Variants in EPHA6 observed in about 807,000 individuals in gnomAD.
The protein encoded by EPHA6 is ephrin type-A receptor 6.
Under a neutral mutation model 112.0 loss-of-function variants are expected in EPHA6, and 50 were observed. The observed-to-expected ratio is 0.45, with a 90% CI of 0.36 to 0.56. EPHA6 has a LOEUF of 0.56. Ranked by LOEUF, EPHA6 falls within the 20% of genes least tolerant of loss-of-function variation. The probability of loss-of-function intolerance (pLI) is 0.00; values close to 1 mark genes in which losing one functional copy is unlikely to be tolerated. For synonymous variants in EPHA6, 529 were observed against 490.7 expected, an observed-to-expected ratio of 1.08 and a Z score of -1.03; for missense variants, 1,280 against 1,417.4, an observed-to-expected ratio of 0.90 and a Z score of 1.56.
chr3:97,354,071 G>A (rs898144722), intron 5 of EPHA6, among the ~76,000 whole-genome samples: 9 of 152,184 alleles, frequency 5.9e-5, no homozygotes, highest in African/African-American at 2.2e-4. Context: ...GCATTACTAG[G>A]CTAGGGGTGA....
At chr3:96,855,285 C>T (rs1396719090) in intron 1 of EPHA6, among the ~76,000 whole-genome samples, 1 of 152,108 alleles carries the variant, frequency 6.6e-6, no homozygotes, top group South Asian at 2.1e-4. Flanking sequence ...CATCTGCAAC[C>T]TTAATTTTCC....
At chr3:97,330,439 C>T (rs561503905) in intron 5 of EPHA6, among the ~76,000 whole-genome samples, 94 of 152,216 alleles carry the variant, frequency 6.2e-4, no homozygotes, top group African/African-American at 2.1e-3. Context: ...ATTGATTCTT[C>T]CCACCCATGA....
chr3:96,987,499 G>A lies in EPHA6; in HGVS notation c.620G>A (p.Ser207Asn). The A allele has an allele frequency of 1.9e-6, 3 of 1,613,880 alleles. No homozygotes were observed. Among genetic ancestry groups the A allele is most frequent in the Non-Finnish European group, 2.5e-6 (3 of 1,179,846 alleles). ...EMKFTLRDCN[S>N]IPWVLGTCKE... ...AAATTCACACTAAGGGATTGTAACA[G>A]CATCCCATGGGTCTTGGGGACTTGC... The change falls in exon 3 of 18, where the codon AGC (serine) becomes AAC (asparagine). Residue 207 changes from serine (S) to asparagine (N), a missense_variant. Transcript: ENST00000389672.
intron 3 of EPHA6, among the ~76,000 whole-genome samples, chr3:97,068,158 AAAAAAAG>A (rs2046237039): frequency 7.2e-6 from 1 of 139,286 alleles, no homozygotes; most frequent in African/African-American, 3.1e-5. Context: ...CCATCTCAAA[AAAAAAAG>A]AAAAAAAAAA....
intron 5 of EPHA6, among the ~76,000 whole-genome samples, chr3:97,375,289 T>C (rs111277507): frequency 1.2e-4 from 18 of 152,288 alleles, no homozygotes; most frequent in African/African-American, 3.4e-4. Flanking sequence ...CTACTTCTGT[T>C]GTGTCTAATA....
At chr3:97,385,769 G>C (rs532625153) in intron 5 of EPHA6, among the ~76,000 whole-genome samples, 17 of 152,164 alleles carry the variant, frequency 1.1e-4, no homozygotes, top group Non-Finnish European at 2.5e-4. Context: ...ATGCAAAGGG[G>C]AAGTGGGCAC....
chr3:97,116,931 A>G (rs1181627963), intron 3 of EPHA6, among the ~76,000 whole-genome samples: 1 of 151,656 alleles, frequency 6.6e-6, no homozygotes, highest in Non-Finnish European at 1.5e-5. Flanking sequence ...ATAATTATTT[A>G]TTAATTTACA....
At chr3:96,957,018 A>C (rs2041789845) in intron 2 of EPHA6, among the ~76,000 whole-genome samples, 1 of 146,644 alleles carries the variant, frequency 6.8e-6, no homozygotes, top group Admixed American at 6.9e-5. Context: ...GGGTGACAAG[A>C]GTGAAACTTG....
In EPHA6 at chr3:96,912,653, T is replaced by C. The variant is rs543499920; in HGVS notation, c.450+45764T>C. The stretch of plus-strand genomic sequence containing the variant: ...TTCAGGCTGGAATAGAGTGTCATGA[T>C]CATAGATCACCCTAATCTTGAACTC... On this transcript the variant is annotated intron_variant, in intron 2 of 17. Transcript: ENST00000389672. Among the ~76,000 whole-genome samples the C allele has an allele frequency of 1.0e-3, 156 of 152,244 alleles. 1 individual carries two copies. The highest frequency in any genetic ancestry group is 3.6e-3 in the African/African-American group (149 of 41,560).
intron 11 of EPHA6, among the ~76,000 whole-genome samples, chr3:97,544,035 C>G (rs184553900): frequency 6.6e-6 from 1 of 152,066 alleles, no homozygotes; most frequent in African/African-American, 2.4e-5. Flanking sequence ...TGTCATCTGC[C>G]AACAGGGACA....
At chr3:96,950,489 T>C (rs984917624) in intron 2 of EPHA6, among the ~76,000 whole-genome samples, 2 of 152,176 alleles carry the variant, frequency 1.3e-5, no homozygotes, top group Admixed American at 6.6e-5. Context: ...AGGAACTGTG[T>C]CTTTTTCTCA....
intron 11 of EPHA6, among the ~76,000 whole-genome samples, chr3:97,547,414 G>T (rs1387322178): frequency 1.3e-5 from 2 of 152,154 alleles, no homozygotes; most frequent in Non-Finnish European, 2.9e-5. Flanking sequence ...CTGCCTGATT[G>T]TTCCTCTGAA....
chr3:97,021,761 C>T (rs889362152), intron 3 of EPHA6, among the ~76,000 whole-genome samples: 1 of 152,174 alleles, frequency 6.6e-6, no homozygotes, highest in Non-Finnish European at 1.5e-5. Context: ...ATGTTAATAA[C>T]CTTTGTAAAA....
chr3:97,218,036 C>T (rs966882919), intron 3 of EPHA6, among the ~76,000 whole-genome samples: 5 of 151,956 alleles, frequency 3.3e-5, no homozygotes, highest in African/African-American at 4.8e-5. Flanking sequence ...TTTGGCAGAC[C>T]GAGGCAAGGC....
chr3:97,612,689 C>T (rs2093730488), intron 13 of EPHA6, among the ~76,000 whole-genome samples: 1 of 152,062 alleles, frequency 6.6e-6, no homozygotes, highest in South Asian at 2.1e-4. Flanking sequence ...AAGACATTAT[C>T]AGAGATTCTG....
chr3:97,562,668 G>C (rs557627325), intron 11 of EPHA6, among the ~76,000 whole-genome samples: 1 of 152,304 alleles, frequency 6.6e-6, no homozygotes, highest in East Asian at 1.9e-4. Context: ...AGTTTGAGAG[G>C]AATGACTCCC....
intron 3 of EPHA6, among the ~76,000 whole-genome samples, chr3:97,210,871 A>G (rs913623022): frequency 2.6e-5 from 4 of 152,148 alleles, no homozygotes; most frequent in East Asian, 1.9e-4. Flanking sequence ...TGGAGGATCT[A>G]CATTCTAGAT....
intron 2 of EPHA6, among the ~76,000 whole-genome samples, chr3:96,965,744 CA>C (rs1203302108): frequency 6.6e-6 from 1 of 152,070 alleles, no homozygotes; most frequent in Non-Finnish European, 1.5e-5. Flanking sequence ...CGTTCAGCAA[CA>C]TTTGTTTATA....
At chr3:96,981,848 G>A (rs1362770942) in intron 2 of EPHA6, among the ~76,000 whole-genome samples, 2 of 152,160 alleles carry the variant, frequency 1.3e-5, no homozygotes, top group Non-Finnish European at 2.9e-5. Context: ...GCATAGAGGT[G>A]TTTATAGTAT....
Sources: allele counts gnomAD v4.1 joint callset (sites outside exome capture counted in the v4.1 genomes callset), GRCh38; gene constraint gnomAD v4.1.1; transcripts MANE v1.5; gene names NCBI Gene and HGNC (gene_info 2026-07-23, HGNC 2026-07-21).